Variants in ARMC7 observed in about 807,000 individuals in gnomAD.
ARMC7 encodes armadillo repeat-containing protein 7.
In ARMC7, 9 loss-of-function variants were observed where a neutral mutation model predicts 14.8. The ratio of observed to expected loss-of-function variants is 0.61; its 90% confidence interval spans 0.37 to 1.06. ARMC7 has a LOEUF of 1.06. Ranked by LOEUF, ARMC7 falls within the 50% of genes least tolerant of loss-of-function variation. ARMC7 has a pLI of 0.01. For missense variants in ARMC7, 262 were observed against 267.1 expected, an observed-to-expected ratio of 0.98 and a Z score of 0.13; for synonymous variants, 125 against 123.4, an observed-to-expected ratio of 1.01 and a Z score of -0.09.
At position 75,110,238 on chromosome 17, in the gene ARMC7, C is replaced by T; in HGVS notation, c.-51C>T. The T allele has an allele frequency of 6.6e-7, 1 of 1,518,548 alleles. No individual in the cohort carries two copies. The highest frequency in any genetic ancestry group is 1.2e-5 in the South Asian group (1 of 80,678). The allele number at this position is 1,518,548 out of a possible 1,614,324, so 94.1% of individuals were successfully genotyped here. The stretch of plus-strand genomic sequence containing the variant: ...AGGGTCTCGCTCGGCTTTCCCCCTG[C>T]ACCTTTCCCACCCTCCCGCCCGTCC... On this transcript the variant is annotated 5_prime_UTR_variant, in exon 1 of 3. Coordinates refer to ENST00000245543, the MANE Select transcript of ARMC7 (RefSeq NM_024585.4).
At chr17:75,126,764 A>C (rs2074054462) in intron 2 of ARMC7, among the ~76,000 whole-genome samples, 1 of 151,968 alleles carries the variant, frequency 6.6e-6, no homozygotes, top group African/African-American at 2.4e-5. Context: ...ATATATTGGT[A>C]AATGAAAAAA....
At chr17:75,122,071 C>T (rs934409160) in intron 2 of ARMC7, among the ~76,000 whole-genome samples, 7 of 152,132 alleles carry the variant, frequency 4.6e-5, no homozygotes, top group Admixed American at 1.3e-4. Context: ...TGGTGGCTCA[C>T]GCCTATAATC....
chr17:75,116,844 G>A (rs1038783192), intron 2 of ARMC7, among the ~76,000 whole-genome samples: 2 of 152,220 alleles, frequency 1.3e-5, no homozygotes, highest in African/African-American at 4.8e-5. Context: ...GCCAGGATGA[G>A]AATGCAGGCT....
chr17:75,110,208 G>A lies in ARMC7; in HGVS notation c.-81G>A. On this transcript the variant is annotated 5_prime_UTR_variant, in exon 1 of 3. Coordinates refer to ENST00000245543, the MANE Select transcript of ARMC7 (RefSeq NM_024585.4). ...TTCCCTCTCCAGACAGGTGGAGAGC[G>A]GGTGAGGGTCTCGCTCGGCTTTCCC... 7.5e-7 allele frequency: 1 copy of A among 1,340,272 alleles called. No homozygotes were observed. Among genetic ancestry groups the A allele is most frequent in the South Asian group, 1.4e-5 (1 of 69,964 alleles). 83.0% of individuals were successfully genotyped at this position (1,340,272 alleles called of 1,614,324 possible). A position where few individuals can be genotyped will look rare whatever the true frequency, so the allele number is the denominator to read the frequency against.
At chr17:75,123,775 G>T (rs1346717934) in intron 2 of ARMC7, among the ~76,000 whole-genome samples, 1 of 152,026 alleles carries the variant, frequency 6.6e-6, no homozygotes, top group African/African-American at 2.4e-5. Flanking sequence ...GCTGGGCGTG[G>T]TGGTGCATGC....
At chr17:75,110,674 T>G in intron 2 of ARMC7, 68 bp downstream of exon 2, 1 of 1,583,888 alleles carries the variant, frequency 6.3e-7, no homozygotes, top group Non-Finnish European at 8.6e-7. Context: ...TAGAAGTGAG[T>G]CCTTGGGGCC....
At chr17:75,111,108 G>C (rs1242758054) in intron 2 of ARMC7, among the ~76,000 whole-genome samples, 1 of 150,720 alleles carries the variant, frequency 6.6e-6, no homozygotes, top group Non-Finnish European at 1.5e-5. Flanking sequence ...CTGGGCGACA[G>C]AGTGAGACCA....
intron 2 of ARMC7, among the ~76,000 whole-genome samples, chr17:75,112,732 T>A: frequency 7.1e-6 from 1 of 141,340 alleles, no homozygotes. Flanking sequence ...TGCACCACCA[T>A]GCCCAGCTAA....
chr17:75,112,724 C>T (rs1457370128), intron 2 of ARMC7, among the ~76,000 whole-genome samples: 1 of 150,124 alleles, frequency 6.7e-6, no homozygotes, highest in African/African-American at 2.4e-5. Context: ...TACAGGTGTG[C>T]ACCACCATGC....
In ARMC7 at chr17:75,129,010, C is replaced by T. The variant is rs747532497; in HGVS notation, c.569C>T (p.Pro190Leu). 14 of 1,599,066 alleles carry T rather than the reference C, an allele frequency of 8.8e-6. No homozygotes were observed. Among genetic ancestry groups the T allele is most frequent in the East Asian group, 4.5e-5 (2 of 44,858 alleles). ...QAHSALGIPLPRSVAPRQR is the reference protein window; with the variant it reads ...QAHSALGIPLLRSVAPRQR ...CACTCTGCCCTGGGTATCCCACTGC[C>T]GAGGAGCGTGGCCCCACGGCAGCGC... Residue 190 changes from proline to leucine, a missense_variant, in exon 3 of 3, where the codon CCG becomes CTG. Physicochemically the swap from Pro to Leu is moderately conservative, Grantham distance 98 (BLOSUM62 -3). Transcript: ENST00000245543.
In ARMC7 at chr17:75,128,998, G is replaced by C; in HGVS notation, c.557G>C (p.Gly186Ala). 1.2e-6 allele frequency: 2 copies of C among 1,600,216 alleles called. No individual in the cohort carries two copies. Among genetic ancestry groups the C allele is most frequent in the South Asian group, 1.1e-5 (1 of 90,972 alleles). Residue 186 changes from glycine to alanine, a missense_variant, in exon 3 of 3, where the codon GGT (glycine) becomes GCT (alanine). Physicochemically the swap from Gly to Ala is moderately conservative, Grantham distance 60. Coordinates refer to ENST00000245543, the MANE Select transcript of ARMC7 (RefSeq NM_024585.4). ...AGCCGGCAGGCGCACTCTGCCCTGG[G>C]TATCCCACTGCCGAGGAGCGTGGCC... Reference protein sequence around the residue: ...ARSRQAHSALGIPLPRSVAPR... With the variant: ...ARSRQAHSALAIPLPRSVAPR...
At chr17:75,122,594 C>T (rs1166201167) in intron 2 of ARMC7, among the ~76,000 whole-genome samples, 2 of 151,988 alleles carry the variant, frequency 1.3e-5, no homozygotes, top group Non-Finnish European at 2.9e-5. Context: ...AACTCCTGAC[C>T]TCAGGTGATC....
At chr17:75,120,045 C>T (rs1454396820) in intron 2 of ARMC7, among the ~76,000 whole-genome samples, 1 of 152,172 alleles carries the variant, frequency 6.6e-6, no homozygotes, top group South Asian at 2.1e-4. Context: ...GCTGGGACTA[C>T]AGGTGAGTGC....
chr17:75,128,283 G>A (rs1456499802), intron 2 of ARMC7, among the ~76,000 whole-genome samples: 1 of 152,102 alleles, frequency 6.6e-6, no homozygotes, highest in African/African-American at 2.4e-5. Context: ...ATGTTGGCCA[G>A]GCTGGTCTCG....
In ARMC7 at chr17:75,128,953, G is replaced by C; in HGVS notation, c.512G>C (p.Arg171Pro). The C allele has an allele frequency of 6.2e-7, 1 of 1,604,930 alleles. No homozygotes were observed. The highest frequency in any genetic ancestry group is 1.1e-5 in the South Asian group (1 of 90,918). The change falls in exon 3 of 3, where the codon CGC (arginine) becomes CCC (proline). Residue 171 changes from arginine (R) to proline (P), a missense_variant. Coordinates refer to ENST00000245543, the MANE Select transcript of ARMC7 (RefSeq NM_024585.4). ...QIFLEDFCSPRQVAEARSRQA... is the reference protein window; with the variant it reads ...QIFLEDFCSPPQVAEARSRQA... Reference sequence around the variant, plus strand: ...TTCCTGGAGGACTTCTGCTCCCCCCGCCAGGTGGCCGAGGCCCGCAGCCGG... The same window carrying C: ...TTCCTGGAGGACTTCTGCTCCCCCCCCCAGGTGGCCGAGGCCCGCAGCCGG...
At chr17:75,122,265 G>A (rs1031282365) in intron 2 of ARMC7, among the ~76,000 whole-genome samples, 2 of 151,976 alleles carry the variant, frequency 1.3e-5, no homozygotes, top group African/African-American at 2.4e-5. Context: ...GGTGGAGGAT[G>A]CAGTGAGCCG....
intron 2 of ARMC7, among the ~76,000 whole-genome samples, chr17:75,122,884 T>TG (rs1266143336): frequency 6.2e-5 from 8 of 128,830 alleles, no homozygotes; most frequent in Non-Finnish European, 9.9e-5. Context: ...GGGGGCGTGG[T>TG]GGGGGGGCAG....
rs528188500 is a variant in ARMC7, at chr17:75,122,007, T to G, written c.236-6670T>G. Reference sequence around the variant, plus strand: ...TTAATGGTGTCGTTTGATGAGTTATTCTCCTATCTCAGTGAAATTCAGCTT... The same window carrying G: ...TTAATGGTGTCGTTTGATGAGTTATGCTCCTATCTCAGTGAAATTCAGCTT... On this transcript the variant is annotated intron_variant, in intron 2 of 2. Transcript: ENST00000245543. 7.9e-5 allele frequency among the ~76,000 whole-genome samples: 12 copies of G among 152,220 alleles called. No individual in the cohort carries two copies. In the East Asian group the frequency reaches 2.3e-3, roughly 29 times the overall value.
At chr17:75,114,068 G>A in intron 2 of ARMC7, 1 of 400,162 alleles carries the variant, frequency 2.5e-6, no homozygotes, top group Non-Finnish European at 4.4e-6. Flanking sequence ...CCCGAGTGAT[G>A]CCAGCTCCTC....
Sources: allele counts gnomAD v4.1 joint callset (sites outside exome capture counted in the v4.1 genomes callset), GRCh38; gene constraint gnomAD v4.1.1; transcripts MANE v1.5; gene names NCBI Gene and HGNC (gene_info 2026-07-23, HGNC 2026-07-21).